NLGN1: variants seen among roughly 807,000 people sequenced by gnomAD.
The protein encoded by NLGN1 is neuroligin 1, also known as neuroligin-1.
In NLGN1, 12 loss-of-function variants were observed where a neutral mutation model predicts 65.5. That is an observed-to-expected ratio of 0.18 (90% CI 0.12 to 0.30). The LOEUF (loss-of-function observed/expected upper bound fraction) is 0.30, where lower values mean the gene tolerates loss of function less well. Ranked by LOEUF, NLGN1 falls within the 10% of genes least tolerant of loss-of-function variation. The pLI is 1.00. For missense variants in NLGN1, 750 were observed against 1,007.1 expected, an observed-to-expected ratio of 0.74 and a Z score of 3.46; for synonymous variants, 350 against 359.5, an observed-to-expected ratio of 0.97 and a Z score of 0.30.
At chr3:173,845,655 G>T (rs185050499) in intron 4 of NLGN1, among the ~76,000 whole-genome samples, 1 of 144,144 alleles carries the variant, frequency 6.9e-6, no homozygotes, top group Admixed American at 6.9e-5. Context: ...TAGATAAATA[G>T]ACGAATTATT....
intron 3 of NLGN1, among the ~76,000 whole-genome samples, chr3:173,726,876 G>A (rs536590322): frequency 5.8e-4 from 87 of 150,536 alleles, no homozygotes; most frequent in Middle Eastern, 3.4e-3. Flanking sequence ...ACAGGGAGTA[G>A]AGATAATAAA....
chr3:173,939,379 G>A (rs1190742264), intron 4 of NLGN1, among the ~76,000 whole-genome samples: 2 of 152,072 alleles, frequency 1.3e-5, no homozygotes, highest in East Asian at 1.9e-4. Context: ...ATGTCCTATT[G>A]CATTTATCTC....
At chr3:173,646,187 A>G (rs945011566) in intron 3 of NLGN1, among the ~76,000 whole-genome samples, 6 of 152,134 alleles carry the variant, frequency 3.9e-5, no homozygotes, top group African/African-American at 1.2e-4. Context: ...AATGACAATA[A>G]TACCCCCTCC....
chr3:173,759,154 A>C (rs1777582547), intron 3 of NLGN1, among the ~76,000 whole-genome samples: 3 of 151,764 alleles, frequency 2.0e-5, no homozygotes, highest in African/African-American at 2.4e-5. Context: ...TTATTCTTTC[A>C]TGTAATTAAA....
In NLGN1 at chr3:173,652,828, C is replaced by T. The variant is rs138340614; in HGVS notation, c.493+47737C>T. On this transcript the variant is annotated intron_variant, in intron 3 of 6. Transcript: ENST00000457714. ...GAAATTGCATTGAATCTGTAGATTG[C>T]TTTAGGCACTATGGTCATTTTAACA... 3.7e-3 allele frequency among the ~76,000 whole-genome samples: 567 copies of T among 152,218 alleles called. 6 individuals carry two copies. Among genetic ancestry groups the T allele is most frequent in the African/African-American group, 0.013 (526 of 41,528 alleles).
rs535225685 is a variant in NLGN1, at chr3:174,036,797, C to T, written c.646+228965C>T. Among the ~76,000 whole-genome samples the T allele has an allele frequency of 1.7e-3, 253 of 152,132 alleles. 2 individuals are homozygous for T. Among genetic ancestry groups the T allele is most frequent in the African/African-American group, 5.8e-3 (241 of 41,538 alleles). ...AGACCCCAGTGTGTGGGGTTCCCCT[C>T]TCTGTGTCCATGTGTTCCCATCATT... On this transcript the variant is annotated intron_variant, in intron 4 of 6. Coordinates refer to ENST00000457714, the Ensembl canonical transcript of NLGN1.
intron 2 of NLGN1, among the ~76,000 whole-genome samples, chr3:173,456,202 A>C (rs1560280751): frequency 4.6e-5 from 7 of 152,198 alleles, no homozygotes; most frequent in African/African-American, 1.4e-4. Context: ...TCATCATCAT[A>C]AATAAATATA....
intron 3 of NLGN1, among the ~76,000 whole-genome samples, chr3:173,650,046 C>T (rs555069198): frequency 9.9e-4 from 150 of 152,026 alleles, no homozygotes; most frequent in African/African-American, 3.5e-3. Flanking sequence ...TATGTATATA[C>T]GTGTATGTAT....
chr3:173,510,508 A>G (rs916971117), intron 2 of NLGN1, among the ~76,000 whole-genome samples: 1 of 152,160 alleles, frequency 6.6e-6, no homozygotes, highest in Non-Finnish European at 1.5e-5. Context: ...GGAGGTTTTC[A>G]TTTGCTATTG....
intron 4 of NLGN1, among the ~76,000 whole-genome samples, chr3:173,939,385 A>G (rs149676511): frequency 5.6e-4 from 86 of 152,294 alleles, no homozygotes; most frequent in African/African-American, 2.0e-3. Context: ...TATTGCATTT[A>G]TCTCGTGGGT....
chr3:173,635,376 TCAAA>T (rs1345898746), intron 3 of NLGN1, among the ~76,000 whole-genome samples: 1 of 152,168 alleles, frequency 6.6e-6, no homozygotes, highest in African/African-American at 2.4e-5. Flanking sequence ...TCATTGGTTC[TCAAA>T]CAAATGCGAA....
At chr3:174,037,317 A>G (rs1481763525) in intron 4 of NLGN1, among the ~76,000 whole-genome samples, 1 of 152,158 alleles carries the variant, frequency 6.6e-6, no homozygotes, top group African/African-American at 2.4e-5. Flanking sequence ...CACATTGTAT[A>G]GACATACTTT....
chr3:173,397,339 A>T (rs964374552), upstream of NLGN1, among the ~76,000 whole-genome samples: 15 of 152,112 alleles, frequency 9.9e-5, no homozygotes, highest in African/African-American at 3.4e-4. Flanking sequence ...CTTTTACACC[A>T]TGGCCAGTCG....
intron 1 of NLGN1, among the ~76,000 whole-genome samples, chr3:173,415,201 G>C (rs1373820735): frequency 6.6e-6 from 1 of 152,164 alleles, no homozygotes; most frequent in African/African-American, 2.4e-5. Context: ...GTTGTATGTG[G>C]TTAAATTCTG....
chr3:173,490,568 G>A (rs983653020), intron 2 of NLGN1, among the ~76,000 whole-genome samples: 4 of 152,164 alleles, frequency 2.6e-5, no homozygotes, highest in African/African-American at 9.6e-5. Flanking sequence ...GATTGACTTG[G>A]CAATGTGGGC....
intron 2 of NLGN1, among the ~76,000 whole-genome samples, chr3:173,454,299 A>C (rs1245719645): frequency 6.6e-6 from 1 of 152,222 alleles, no homozygotes. Flanking sequence ...CATAAGGATA[A>C]ATGATCACTG....
chr3:174,280,990 A>G lies in NLGN1; in HGVS notation c.2159A>G (p.Asn720Ser), dbSNP rs760449914. The G allele has an allele frequency of 1.4e-5, 22 of 1,613,248 alleles. No individual in the cohort carries two copies. The highest frequency in any genetic ancestry group is 1.2e-4 in the African/African-American group (9 of 74,836). The change falls in exon 7 of 7, where the codon AAT becomes AGT. Residue 720 changes from asparagine to serine, a missense_variant. Coordinates refer to ENST00000457714, the Ensembl canonical transcript of NLGN1. The surrounding 1 kb of genome is among the most constrained non-coding windows in gnomAD (Gnocchi z 4.9). ...TGCAGCCCTCAGCGCACTACTACCA[A>G]TGATCTAACCCATGCACAAGAAGAG...
chr3:173,861,544 GTGTGTGTGTGTGTA>G (rs1309911905), intron 4 of NLGN1, among the ~76,000 whole-genome samples: 8 of 144,976 alleles, frequency 5.5e-5, no homozygotes, highest in South Asian at 2.1e-4. Flanking sequence ...GTGTGTGTGT[GTGTGTGTGTGTGTA>G]TATACACACA....
chr3:173,435,408 A>G (rs894158648), intron 2 of NLGN1, among the ~76,000 whole-genome samples: 1 of 152,186 alleles, frequency 6.6e-6, no homozygotes, highest in East Asian at 1.9e-4. Flanking sequence ...ACTTAAATAT[A>G]TAATGTTTTT....
Sources: gnomAD v4.1 joint callset for allele counts (sites outside exome capture counted in the v4.1 genomes callset) on GRCh38, gnomAD v4.1.1 for gene constraint, Gnocchi (gnomAD v3.1) non-coding constraint, MANE v1.5 for transcripts, NCBI Gene and HGNC (gene_info 2026-07-23, HGNC 2026-07-21) for gene names.